The following DESI2 variants were observed in gnomAD, a reference collection of about 807,000 sequenced individuals.
DESI2 encodes desumoylating isopeptidase 2.
DESI2 carries 10 observed loss-of-function variants against 24.1 expected under a neutral mutation model. The observed-to-expected ratio is 0.41, with a 90% CI of 0.26 to 0.70. DESI2 has a LOEUF of 0.70. DESI2 is among the 30% of genes least tolerant of loss of function. The probability of loss-of-function intolerance (pLI) is 0.29; values close to 1 mark genes in which losing one functional copy is unlikely to be tolerated. For synonymous variants in DESI2, 71 were observed against 87.7 expected (o/e 0.81, Z 1.06); for missense variants, 122 against 234.9 (o/e 0.52, Z 3.14).
intron 1 of DESI2, among the ~76,000 whole-genome samples, chr1:244,672,496 G>A (rs951983981): frequency 6.6e-6 from 1 of 152,104 alleles, no homozygotes; most frequent in African/African-American, 2.4e-5. Context: ...AAATTACCCA[G>A]TCTCAGGTAT....
intron 1 of DESI2, among the ~76,000 whole-genome samples, chr1:244,671,079 A>G (rs974495446): frequency 6.6e-6 from 1 of 152,228 alleles, no homozygotes; most frequent in African/African-American, 2.4e-5. Flanking sequence ...GGTAGTTGAC[A>G]TTGGGATGTT....
chr1:244,653,792 C>G (rs1231921384), intron 1 of DESI2: 5 of 369,642 alleles, frequency 1.4e-5, no homozygotes, highest in Non-Finnish European at 2.7e-5. Flanking sequence ...CTCTCCATGG[C>G]TACGTCTTCA....
rs1484353820 is a variant in DESI2, at chr1:244,653,160, G to C, written c.-154G>C. ...TGTCGGCGGCGCCCGGGAGCGGCTC[G>C]GCTGCCCGATGCTTCCGCCCCGGCT... On this transcript the variant is annotated 5_prime_UTR_variant, in exon 1 of 5. Transcript: ENST00000302550. The C allele has an allele frequency of 5.6e-6, 4 of 708,510 alleles. 1 individual carries two copies. The highest frequency in any genetic ancestry group is 1.9e-5 in the African/African-American group (1 of 53,818). The allele number at this position is 708,510 out of a possible 1,614,324, so 43.9% of individuals were successfully genotyped here.
In DESI2 at chr1:244,706,509, A is replaced by ATAGTT. The variant is rs1332288804; in HGVS notation, c.*724_*728dup. On this transcript the variant is annotated 3_prime_UTR_variant, in exon 5 of 5. Transcript: ENST00000302550. Reference sequence around the variant, plus strand: ...CTCTGACTTTGATGCCACTCATTCTATAGTTTAGCTGGTTTTCGTTCAAGA... The same window carrying ATAGTT: ...CTCTGACTTTGATGCCACTCATTCTATAGTTTAGTTTAGCTGGTTTTCGTTCAAGA... 6.6e-6 allele frequency: 1 copy of ATAGTT among 152,640 alleles called. No individual in the cohort carries two copies. Among genetic ancestry groups the ATAGTT allele is most frequent in the Non-Finnish European group, 1.5e-5 (1 of 68,050 alleles). 9.5% of individuals were successfully genotyped at this position (152,640 alleles called of 1,614,324 possible).
chr1:244,692,545 AG>A (rs1004835652), intron 4 of DESI2, among the ~76,000 whole-genome samples: 3 of 152,220 alleles, frequency 2.0e-5, no homozygotes, highest in African/African-American at 7.2e-5. Context: ...GAAATTAGAA[AG>A]ATTATAAAGT....
At chr1:244,700,644 G>A (rs1043251600) in intron 4 of DESI2, among the ~76,000 whole-genome samples, 1 of 152,132 alleles carries the variant, frequency 6.6e-6, no homozygotes, top group Admixed American at 6.5e-5. Flanking sequence ...GATGAAACTA[G>A]GACTTTTTTA....
rs559699249 is a variant in DESI2, at chr1:244,706,005, T to C, written c.*216T>C. 1.8e-6 allele frequency: 1 copy of C among 544,944 alleles called. No individual in the cohort carries two copies. The highest frequency in any genetic ancestry group is 3.1e-5 in the East Asian group (1 of 31,986). The allele number at this position is 544,944 out of a possible 1,614,324, so 33.8% of individuals were successfully genotyped here. Reference sequence around the variant, plus strand: ...AAGAAGCTGCCCTCTGTTTTTTTTATCCACTCGTAAATCTGGATTTATTTC... The same window carrying C: ...AAGAAGCTGCCCTCTGTTTTTTTTACCCACTCGTAAATCTGGATTTATTTC... On this transcript the variant is annotated 3_prime_UTR_variant, in exon 5 of 5. Transcript: ENST00000302550.
At chr1:244,659,524 A>C (rs189612730) in intron 1 of DESI2, among the ~76,000 whole-genome samples, 1 of 152,136 alleles carries the variant, frequency 6.6e-6, no homozygotes, top group Admixed American at 6.5e-5. Flanking sequence ...ATCCTCTCTC[A>C]GTTGCTTCAA....
chr1:244,696,691 C>T (rs1677228554), intron 4 of DESI2, among the ~76,000 whole-genome samples: 1 of 152,200 alleles, frequency 6.6e-6, no homozygotes, highest in East Asian at 1.9e-4. Context: ...CATCATAGGC[C>T]TAAAACTGCT....
chr1:244,667,857 G>A (rs1676100505), intron 1 of DESI2, among the ~76,000 whole-genome samples: 1 of 152,192 alleles, frequency 6.6e-6, no homozygotes, highest in African/African-American at 2.4e-5. Flanking sequence ...GCCAGTGAGA[G>A]GGCTGAAAGA....
chr1:244,674,796 A>G (rs763511995), intron 1 of DESI2, among the ~76,000 whole-genome samples: 8 of 152,178 alleles, frequency 5.3e-5, no homozygotes, highest in Non-Finnish European at 2.9e-5. Context: ...CTTTTTGGCT[A>G]TTACAAGTAA....
intron 4 of DESI2, among the ~76,000 whole-genome samples, chr1:244,699,623 G>GAAAAAAA (rs1553406686): frequency 7.9e-6 from 1 of 126,990 alleles, no homozygotes; most frequent in African/African-American, 3.0e-5. Context: ...AAAATTCTGT[G>GAAAAAAA]AAAACTTTTG....
At chr1:244,695,805 T>C (rs1677191096) in intron 4 of DESI2, among the ~76,000 whole-genome samples, 1 of 152,134 alleles carries the variant, frequency 6.6e-6, no homozygotes, top group Non-Finnish European at 1.5e-5. Flanking sequence ...AGAGACAGGG[T>C]CTTGCTGTTG....
chr1:244,687,025 G>A (rs929871116), intron 2 of DESI2, among the ~76,000 whole-genome samples: 4 of 152,048 alleles, frequency 2.6e-5, no homozygotes, highest in Admixed American at 2.0e-4. Context: ...TTCGAAAATA[G>A]CATGATAAAA....
intron 1 of DESI2, among the ~76,000 whole-genome samples, chr1:244,654,962 T>G (rs952462415): frequency 6.6e-6 from 1 of 152,212 alleles, no homozygotes; most frequent in African/African-American, 2.4e-5. Flanking sequence ...TTTCAGAGCC[T>G]AAAAGAATTT....
chr1:244,660,167 TGTTTTG>T (rs1484562293), intron 1 of DESI2, among the ~76,000 whole-genome samples: 6 of 151,948 alleles, frequency 3.9e-5, no homozygotes, highest in South Asian at 4.2e-4. Context: ...TTTTTGTTGT[TGTTTTG>T]TTGTTGTTGT....
intron 4 of DESI2, 62 bp from the exon 5 acceptor site, chr1:244,705,494 T>G: frequency 7.6e-7 from 1 of 1,317,934 alleles, no homozygotes; most frequent in Non-Finnish European, 1.1e-6. Flanking sequence ...CTCCACTCCC[T>G]GGCAGTGGAC....
chr1:244,688,019 T>G (rs770414474), intron 2 of DESI2, among the ~76,000 whole-genome samples: 2 of 152,234 alleles, frequency 1.3e-5, no homozygotes, highest in Non-Finnish European at 2.9e-5. Context: ...ATGCTAATAA[T>G]TAACTCAAAC....
Position 244,696,198 on chromosome 1 carries a change from A to G in DESI2, c.351+4178A>G, listed in dbSNP as rs184014427. Among the ~76,000 whole-genome samples the G allele has an allele frequency of 8.5e-5, 13 of 152,304 alleles. No homozygotes were observed. In the East Asian group the frequency reaches 2.1e-3, roughly 25 times the overall value. On this transcript the variant is annotated intron_variant, in intron 4 of 4. Transcript: ENST00000302550. ...TGTTATCACTCCACAAATTAACACTATTTCTTAATATTATCCAAATAAACA... is the reference window on the plus strand; with the variant it reads ...TGTTATCACTCCACAAATTAACACTGTTTCTTAATATTATCCAAATAAACA...
Sources: gnomAD v4.1 joint callset for allele counts (sites outside exome capture counted in the v4.1 genomes callset) on GRCh38, gnomAD v4.1.1 for gene constraint, MANE v1.5 for transcripts, NCBI Gene and HGNC (gene_info 2026-07-23, HGNC 2026-07-21) for gene names.